The following SEMA5A variants were observed in gnomAD, a reference collection of about 807,000 sequenced individuals.
SEMA5A encodes semaphorin-5A.
Under a neutral mutation model 135.5 loss-of-function variants are expected in SEMA5A, and 55 were observed. The ratio of observed to expected loss-of-function variants is 0.41; its 90% CI spans 0.33 to 0.51. The LOEUF is 0.51. SEMA5A is among the 20% of genes least tolerant of loss of function. The probability of loss-of-function intolerance (pLI) is 0.37; values close to 1 mark genes in which losing one functional copy is unlikely to be tolerated. For synonymous variants in SEMA5A, 580 were observed against 546.5 expected (o/e 1.06, Z -0.85); for missense variants, 1,290 against 1,419.9 (o/e 0.91, Z 1.47).
chr5:9,046,273 G>T (rs1736248140), intron 21 of SEMA5A, among the ~76,000 whole-genome samples: 1 of 152,208 alleles, frequency 6.6e-6, no homozygotes, highest in Non-Finnish European at 1.5e-5. Flanking sequence ...ACGATTGGAG[G>T]TATGTGCTGA....
intron 3 of SEMA5A, among the ~76,000 whole-genome samples, chr5:9,369,240 C>G (rs889338129): frequency 3.3e-5 from 5 of 151,958 alleles, no homozygotes; most frequent in African/African-American, 7.2e-5. Flanking sequence ...ATGTGTATCT[C>G]TGTGTGTGTG....
In SEMA5A at chr5:9,048,193, C is replaced by T. The variant is rs140297747; in HGVS notation, c.2893+2217G>A. Among the ~76,000 whole-genome samples, 406 of 152,208 alleles carry T rather than the reference C, an allele frequency of 2.7e-3. 1 individual carries two copies. Among genetic ancestry groups the T allele is most frequent in the African/African-American group, 9.3e-3 (385 of 41,536 alleles). Reference sequence around the variant, plus strand: ...TTACCTAACCAGGGCTACTGTGGCTCGAGCCTCCCGAACACAATGCTTTTG... The same window carrying T: ...TTACCTAACCAGGGCTACTGTGGCTTGAGCCTCCCGAACACAATGCTTTTG... On this transcript the variant is annotated intron_variant, in intron 21 of 22. Transcript: ENST00000382496.
chr5:9,365,426 T>C (rs1754874100), intron 3 of SEMA5A, among the ~76,000 whole-genome samples: 1 of 152,210 alleles, frequency 6.6e-6, no homozygotes, highest in South Asian at 2.1e-4. Flanking sequence ...GGCAGGAGAC[T>C]GTACTGATCC....
intron 15 of SEMA5A, among the ~76,000 whole-genome samples, chr5:9,116,848 A>C (rs1216004280): frequency 6.6e-6 from 1 of 152,178 alleles, no homozygotes; most frequent in Non-Finnish European, 1.5e-5. Context: ...TCTTAGGTGA[A>C]GAGACCTTTC....
chr5:9,290,508 T>A (rs553016474), intron 5 of SEMA5A, among the ~76,000 whole-genome samples: 1 of 152,340 alleles, frequency 6.6e-6, no homozygotes, highest in East Asian at 1.9e-4. Context: ...TGCATGAGTT[T>A]CTTTTGGAAA....
Position 9,044,515 on chromosome 5 carries a change from A to G in SEMA5A, c.2963T>C (p.Leu988Pro). 1 of 1,614,066 alleles carries G rather than the reference A, an allele frequency of 6.2e-7. No homozygotes were observed. The highest frequency in any genetic ancestry group is 8.5e-7 in the Non-Finnish European group (1 of 1,180,032). ...GTACCGCTGGCAGTAAGTATAGACG[A>G]GCAGGGTGAGGAGGCAGCCGAGGAT... ...SSILGCLLTLLVYTYCQRYQQ... is the reference protein window; with the variant it reads ...SSILGCLLTLPVYTYCQRYQQ... The change falls in exon 22 of 23, where the codon CTC (leucine) becomes CCC (proline). Residue 988 changes from leucine (L) to proline (P), a missense_variant. Leu to Pro is a moderately conservative substitution (Grantham distance 98). Coordinates refer to ENST00000382496, the MANE Select transcript of SEMA5A (RefSeq NM_003966.3).
At chr5:9,412,578 A>T (rs1204207888) in intron 2 of SEMA5A, among the ~76,000 whole-genome samples, 2 of 125,060 alleles carry the variant, frequency 1.6e-5, no homozygotes, top group African/African-American at 3.0e-5. Flanking sequence ...GCCAGAACGG[A>T]TTCAGATTTT....
intron 19 of SEMA5A, 100 bp downstream of exon 19, chr5:9,053,987 A>G (rs1372091394): frequency 6.5e-6 from 9 of 1,374,454 alleles, no homozygotes; most frequent in Non-Finnish European, 7.8e-6. Flanking sequence ...CCCCCCTTTC[A>G]GTACTTACCA....
Position 9,190,249 on chromosome 5 carries a change from G to A in SEMA5A, c.1273+18C>T, listed in dbSNP as rs531887372. 2 of 1,611,500 alleles carry A rather than the reference G, an allele frequency of 1.2e-6. No homozygotes were observed. Among genetic ancestry groups the A allele is most frequent in the East Asian group, 2.2e-5 (1 of 44,812 alleles). On this transcript the variant is annotated intron_variant, in intron 11 of 22. Transcript: ENST00000382496. ...AGAAGATGGTAGAAAACCCCTCAGA[G>A]GGGGCCAGAGCTCCTACCTGTGGCC...
chr5:9,486,267 G>GT (rs761322497), intron 1 of SEMA5A, among the ~76,000 whole-genome samples: 2 of 152,128 alleles, frequency 1.3e-5, no homozygotes, highest in Non-Finnish European at 2.9e-5. Flanking sequence ...ACAGGCACCT[G>GT]TTGAGTGGGG....
chr5:9,196,886 A>AAGCCTGGATTCCTAACCTGCTGC (rs1294199929), intron 10 of SEMA5A, among the ~76,000 whole-genome samples: 1 of 152,214 alleles, frequency 6.6e-6, no homozygotes, highest in African/African-American at 2.4e-5. Flanking sequence ...GTACTAATTG[A>AAGCCTGGATTCCTAACCTGCTGC]AGCCTGGATT....
intron 10 of SEMA5A, among the ~76,000 whole-genome samples, chr5:9,195,526 G>A (rs1745341504): frequency 6.6e-6 from 1 of 152,092 alleles, no homozygotes; most frequent in African/African-American, 2.4e-5. Context: ...ACATTATTCA[G>A]TGTTATCAAA....
intron 13 of SEMA5A, among the ~76,000 whole-genome samples, chr5:9,135,249 C>T (rs966440891): frequency 2.7e-5 from 4 of 147,768 alleles, no homozygotes; most frequent in Middle Eastern, 3.6e-3. Context: ...GGCACGATCT[C>T]GGCTCACTGC....
At chr5:9,135,001 A>G (rs533486436) in intron 13 of SEMA5A, among the ~76,000 whole-genome samples, 30 of 152,232 alleles carry the variant, frequency 2.0e-4, no homozygotes, top group Non-Finnish European at 4.3e-4. Context: ...AAGTTAAATA[A>G]TCATGAGGAC....
intron 9 of SEMA5A, among the ~76,000 whole-genome samples, chr5:9,197,729 TG>T (rs929831204): frequency 2.1e-4 from 4 of 18,836 alleles, no homozygotes; most frequent in African/African-American, 9.2e-4. Context: ...GAAAGCTGTT[TG>T]TGTGTGTGTG....
chr5:9,140,130 A>T (rs760861164), intron 12 of SEMA5A, among the ~76,000 whole-genome samples: 1 of 152,206 alleles, frequency 6.6e-6, no homozygotes, highest in Non-Finnish European at 1.5e-5. Flanking sequence ...TATAACAGAG[A>T]GTGTGAGCAT....
intron 1 of SEMA5A, among the ~76,000 whole-genome samples, chr5:9,539,366 C>G (rs970641935): frequency 6.6e-6 from 1 of 152,182 alleles, no homozygotes; most frequent in African/African-American, 2.4e-5. Flanking sequence ...TCTGTTTCAA[C>G]TTATTAAATC....
chr5:9,502,623 A>G (rs776492524), intron 1 of SEMA5A, among the ~76,000 whole-genome samples: 7 of 152,198 alleles, frequency 4.6e-5, no homozygotes, highest in Non-Finnish European at 8.8e-5. Context: ...CCAAGGAAAC[A>G]TGTGCTGAGC....
chr5:9,333,262 C>T (rs1447802805), intron 4 of SEMA5A, among the ~76,000 whole-genome samples: 2 of 152,224 alleles, frequency 1.3e-5, no homozygotes, highest in African/African-American at 4.8e-5. Flanking sequence ...GGCAAAGACT[C>T]ATGCTACAGA....
Sources: allele counts gnomAD v4.1 joint callset (sites outside exome capture counted in the v4.1 genomes callset), GRCh38; gene constraint gnomAD v4.1.1; transcripts MANE v1.5; gene names NCBI Gene and HGNC (gene_info 2026-07-23, HGNC 2026-07-21).